Variants in ABCC2 observed in about 807,000 individuals in gnomAD.
The protein encoded by ABCC2 is ATP-binding cassette sub-family C member 2.
A neutral mutation model predicts 173.4 loss-of-function variants in ABCC2; 157 were observed. The ratio of observed to expected loss-of-function variants is 0.91; its 90% CI spans 0.80 to 1.03. ABCC2 has a LOEUF of 1.03. Among genes scored for constraint, ABCC2 ranks in the 50% least tolerant of loss-of-function variants. ABCC2 has a pLI of 0.00. For synonymous variants in ABCC2, 657 were observed against 693.5 expected (o/e 0.95, Z 0.83); for missense variants, 1,822 against 1,852.3 (o/e 0.98, Z 0.30).
chr10:99,808,643 C>T lies in ABCC2; in HGVS notation c.1815+414C>T, dbSNP rs553761532. 2.0e-5 allele frequency among the ~76,000 whole-genome samples: 3 copies of T among 152,200 alleles called. No homozygotes were observed. The South Asian group carries it at 6.2e-4, about 32-fold the overall frequency. On this transcript the variant is annotated intron_variant, in intron 13 of 31. Transcript: ENST00000647814. ...CCTTTGCATAAACCCATGTGTTGGT[C>T]AAACCAAATGCAAATTGAGAGCCTC...
At chr10:99,788,427 A>G (rs2037757007) in intron 2 of ABCC2, 2 of 152,158 alleles carry the variant, frequency 1.3e-5, no homozygotes, top group Non-Finnish European at 2.9e-5. Flanking sequence ...AATAGACCCA[A>G]TAGGTACAAT....
chr10:99,827,312 T>C (rs2038661221), intron 19 of ABCC2, among the ~76,000 whole-genome samples: 1 of 152,162 alleles, frequency 6.6e-6, no homozygotes, highest in Non-Finnish European at 1.5e-5. Flanking sequence ...CCACTAATTC[T>C]GGACCTTTTC....
chr10:99,842,423 C>T (rs1447531605), intron 26 of ABCC2, among the ~76,000 whole-genome samples: 1 of 152,160 alleles, frequency 6.6e-6, no homozygotes, highest in African/African-American at 2.4e-5. Flanking sequence ...TAGAACGTAG[C>T]AGTAATCAGA....
intron 14 of ABCC2, among the ~76,000 whole-genome samples, chr10:99,811,024 C>T (rs982432597): frequency 1.4e-5 from 2 of 141,588 alleles, no homozygotes; most frequent in Admixed American, 1.4e-4. Flanking sequence ...AACTCCATCT[C>T]AAAAAAAAAA....
chr10:99,841,985 G>A lies in ABCC2; in HGVS notation c.3633G>A (p.Leu1211=). Reference sequence around the variant, plus strand: ...CCCACAGGTGGCTTGCAATTCGCCTGGAGCTGGTTGGGAACCTGACTGTCT... The same window carrying A: ...CCCACAGGTGGCTTGCAATTCGCCTAGAGCTGGTTGGGAACCTGACTGTCT... ...ITSNRWLAIR[L]ELVGNLTVFF... The change falls in exon 26 of 32, where the codon CTG becomes CTA. Residue 1211 remains leucine, a synonymous_variant. Coordinates refer to ENST00000647814, the MANE Select transcript of ABCC2 (RefSeq NM_000392.5). 6.2e-7 allele frequency: 1 copy of A among 1,614,172 alleles called. No individual in the cohort carries two copies. Among genetic ancestry groups the A allele is most frequent in the Non-Finnish European group, 8.5e-7 (1 of 1,180,010 alleles).
chr10:99,814,322 TATGTATACACAC>T (rs1564684509), intron 16 of ABCC2, among the ~76,000 whole-genome samples: 3 of 142,918 alleles, frequency 2.1e-5, no homozygotes, highest in East Asian at 2.2e-4. Context: ...TATACACACG[TATGTATACACAC>T]ATGTATATAT....
At chr10:99,803,530 CTAT>C (rs1340455764) in intron 9 of ABCC2, among the ~76,000 whole-genome samples, 1 of 152,116 alleles carries the variant, frequency 6.6e-6, no homozygotes, top group Non-Finnish European at 1.5e-5. Flanking sequence ...TGATTCTCTA[CTAT>C]GTGCCACATA....
At chr10:99,799,035 G>A (rs1242940917) in intron 7 of ABCC2, among the ~76,000 whole-genome samples, 172 bp from the exon 8 acceptor site, 4 of 152,044 alleles carry the variant, frequency 2.6e-5, no homozygotes, top group East Asian at 1.9e-4. Flanking sequence ...AGTTAGGAGC[G>A]GGAGAGTGGA....
intron 2 of ABCC2, among the ~76,000 whole-genome samples, chr10:99,789,691 CAG>C (rs749814504): frequency 3.5e-4 from 40 of 115,910 alleles, no homozygotes; most frequent in Admixed American, 6.1e-4. Context: ...GCCTGGGTGA[CAG>C]AGCGAAACTC....
chr10:99,812,803 C>T (rs984153479), intron 15 of ABCC2, among the ~76,000 whole-genome samples: 1 of 152,090 alleles, frequency 6.6e-6, no homozygotes, highest in African/African-American at 2.4e-5. Flanking sequence ...AATTAGGGCT[C>T]ATTAGGGCTC....
Position 99,851,567 on chromosome 10 carries a change from C to T in ABCC2, c.4574C>T (p.Pro1525Leu), listed in dbSNP as rs2039088530. The T allele has an allele frequency of 6.2e-7, 1 of 1,614,178 alleles. No homozygotes were observed. Among genetic ancestry groups the T allele is most frequent in the East Asian group, 2.2e-5 (1 of 44,886 alleles). The change falls in exon 32 of 32, where the codon CCT becomes CTT. Residue 1525 changes from proline to leucine, a missense_variant. Transcript: ENST00000647814. ...CGSPEELLQI[P>L]GPFYFMAKEA... ...AGCCCTGAAGAACTGCTACAAATCC[C>T]TGGACCCTTTTACTTTATGGCTAAG...
At chr10:99,839,230 C>CG (rs1175631224) in intron 25 of ABCC2, among the ~76,000 whole-genome samples, 2 of 97,734 alleles carry the variant, frequency 2.0e-5, no homozygotes, top group Admixed American at 9.5e-5. Flanking sequence ...GCTGGCCGGG[C>CG]GGGGGGCCGA....
chr10:99,826,076 GTCAGGTGGCTCTCTACCTGTTGTAGT>G (rs535762802), intron 19 of ABCC2, among the ~76,000 whole-genome samples: 34 of 152,254 alleles, frequency 2.2e-4, no homozygotes, highest in African/African-American at 6.7e-4. Context: ...TTGGACATAA[GTCAGGTGGCTCTCTACCTGTTGTAGT>G]TGCTTGAATA....
intron 27 of ABCC2, among the ~76,000 whole-genome samples, 161 bp from the exon 28 acceptor site, chr10:99,844,160 CT>C (rs2038983408): frequency 6.6e-6 from 1 of 152,196 alleles, no homozygotes. Flanking sequence ...AAGGTAGGAA[CT>C]TTCCAAAAGT....
rs2037852634 is a variant in ABCC2, at chr10:99,793,953, T to C, written c.530T>C (p.Leu177Pro). 6.2e-7 allele frequency: 1 copy of C among 1,613,894 alleles called. No homozygotes were observed. The change falls in exon 5 of 32, where the codon CTG (leucine) becomes CCG (proline). Residue 177 changes from leucine to proline, a missense_variant. Physicochemically the swap from Leu to Pro is moderately conservative, Grantham distance 98 (BLOSUM62 -3). Transcript: ENST00000647814. ...LFFISYGFQI[L>P]ILIFSAFSEN... ...TTCATCTCCTACGGATTCCAGATCC[T>C]GATCCTGATCTTTTCAGCATTTTCA... is the stretch of plus-strand genomic sequence containing the variant.
chr10:99,798,750 C>A lies in ABCC2; in HGVS notation c.868-457C>A, dbSNP rs767694596. 5.5e-4 allele frequency among the ~76,000 whole-genome samples: 84 copies of A among 152,188 alleles called. 3 individuals carry two copies. Among genetic ancestry groups the A allele is most frequent in the Non-Finnish European group, 2.6e-4 (18 of 68,030 alleles). On this transcript the variant is annotated intron_variant, in intron 7 of 31. Transcript: ENST00000647814. ...CTTAATTTGGTTACATCTGCAAAGACCTTCTTTCGAAATAAGGCACATTTT... is the reference window on the plus strand; with the variant it reads ...CTTAATTTGGTTACATCTGCAAAGAACTTCTTTCGAAATAAGGCACATTTT...
At chr10:99,786,752 C>A (rs559822584) in intron 2 of ABCC2, among the ~76,000 whole-genome samples, 66 of 152,260 alleles carry the variant, frequency 4.3e-4, no homozygotes, top group African/African-American at 1.4e-3. Context: ...CGCTTGTAAT[C>A]CCAGCACTTT....
Position 99,830,415 on chromosome 10 carries a change from G to T in ABCC2, c.2729G>T (p.Arg910Leu), listed in dbSNP as rs149359610. The change falls in exon 20 of 32, where the codon CGT becomes CTT. Residue 910 changes from arginine (R) to leucine (L), a missense_variant. Coordinates refer to ENST00000647814, the MANE Select transcript of ABCC2 (RefSeq NM_000392.5). ...ACCATGAGAAGAGAGAACAGCTTTC[G>T]TCGAACACTTAGCCGCAGGTTGGCT... ...SITMRRENSF[R>L]RTLSRSSRSN... 1.2e-6 allele frequency: 2 copies of T among 1,614,082 alleles called. No homozygotes were observed. The highest frequency in any genetic ancestry group is 1.7e-6 in the Non-Finnish European group (2 of 1,180,034).
In ABCC2 at chr10:99,845,682, G is replaced by C. The variant is rs756482190; in HGVS notation, c.4046G>C (p.Arg1349Thr). Residue 1349 changes from arginine to threonine, a missense_variant, in exon 29 of 32, where the codon AGA (arginine) becomes ACA (threonine). Arg to Thr is a moderately conservative substitution (Grantham distance 71). Transcript: ENST00000647814. ...GKSSLTNCLF[R>T]ILEAAGGQII... ...TCATCCCTCACAAACTGCCTCTTCA[G>C]AATCTTAGAGGCTGCCGGTGGTCAG... 5 of 1,614,082 alleles carry C rather than the reference G, an allele frequency of 3.1e-6. No homozygotes were observed. The highest frequency in any genetic ancestry group is 3.4e-6 in the Non-Finnish European group (4 of 1,180,006).
Sources: gnomAD v4.1 joint callset for allele counts (sites outside exome capture counted in the v4.1 genomes callset) on GRCh38, gnomAD v4.1.1 for gene constraint, MANE v1.5 for transcripts, NCBI Gene and HGNC (gene_info 2026-07-23, HGNC 2026-07-21) for gene names.